The following DOT1L variants were observed in gnomAD, a reference collection of about 807,000 sequenced individuals.
The protein encoded by DOT1L is DOT1 like histone lysine methyltransferase, also known as histone-lysine N-methyltransferase, H3 lysine-79 specific.
Under a neutral mutation model 153.3 loss-of-function variants are expected in DOT1L, and 33 were observed. The observed-to-expected ratio is 0.22, with a 90% CI of 0.16 to 0.29. DOT1L has a LOEUF of 0.29. DOT1L is among the 10% of genes least tolerant of loss of function. The pLI is 1.00. For missense variants in DOT1L, 1,847 were observed against 2,119.9 expected, an observed-to-expected ratio of 0.87 and a Z score of 2.53; for synonymous variants, 1,135 against 965.1, an observed-to-expected ratio of 1.18 and a Z score of -3.26.
intron 2 of DOT1L, among the ~76,000 whole-genome samples, chr19:2,183,535 G>T (rs2022343753): frequency 1.3e-5 from 2 of 152,156 alleles, no homozygotes; most frequent in Admixed American, 6.5e-5. Context: ...AGAAAAGCTA[G>T]CTGGGCTTTT....
Position 2,226,744 on chromosome 19 carries a change from G to GCAAGGCCGC in DOT1L, c.4231_4239dup (p.Ala1411_Ala1413dup). ...ACGGACAAGACCCCACTGCTGAGCG[G>GCAAGGCCGC]CAAGGCCGCCAAGGCCCGGGACCGC... On this transcript the variant is annotated inframe_insertion, in exon 27 of 28. Transcript: ENST00000398665. The GCAAGGCCGC allele has an allele frequency of 1.3e-6, 2 of 1,556,820 alleles. No individual in the cohort carries two copies. Among genetic ancestry groups the GCAAGGCCGC allele is most frequent in the Non-Finnish European group, 8.6e-7 (1 of 1,157,922 alleles).
At chr19:2,167,274 G>A (rs771342762) in intron 1 of DOT1L, among the ~76,000 whole-genome samples, 1 of 152,214 alleles carries the variant, frequency 6.6e-6, no homozygotes, top group Non-Finnish European at 1.5e-5. Context: ...GTTGCCACTT[G>A]TCAGTGCTAA....
intron 12 of DOT1L, 150 bp from the exon 13 acceptor site, chr19:2,210,250 C>A: frequency 1.4e-6 from 1 of 739,934 alleles, no homozygotes; most frequent in Non-Finnish European, 2.0e-6. Context: ...TGTCTCTGGG[C>A]CTCAGTTTCC....
intron 2 of DOT1L, among the ~76,000 whole-genome samples, chr19:2,181,829 G>T (rs534938126): frequency 5.5e-4 from 81 of 148,240 alleles, no homozygotes; most frequent in Admixed American, 1.2e-3. Flanking sequence ...GCGGCCAGCC[G>T]CCTCTCTCTG....
intron 3 of DOT1L, among the ~76,000 whole-genome samples, chr19:2,186,732 C>T (rs1008990196): frequency 6.6e-6 from 1 of 152,246 alleles, no homozygotes; most frequent in African/African-American, 2.4e-5. Context: ...TGGTCAGCAC[C>T]CTGGTGCCCC....
intron 27 of DOT1L, chr19:2,227,764 C>T: frequency 7.6e-7 from 1 of 1,320,338 alleles, no homozygotes; most frequent in Non-Finnish European, 1.0e-6. Context: ...GTGCCCTCCG[C>T]CTCTGCTCAT....
At chr19:2,180,518 C>A (rs1599545022) in intron 1 of DOT1L, among the ~76,000 whole-genome samples, 195 bp from the exon 2 acceptor site, 1 of 152,266 alleles carries the variant, frequency 6.6e-6, no homozygotes, top group African/African-American at 2.4e-5. Flanking sequence ...AGGTCCCCGG[C>A]AAGGTCTGTG....
rs1344884731 is a variant in DOT1L, at chr19:2,230,562, G to A, written c.*770G>A. ...TGTATTTCTCGGCTGTCCATGGCTC[G>A]CAGCATGCCCTGCGATGCGGGGCAG... is the stretch of plus-strand genomic sequence containing the variant. On this transcript the variant is annotated 3_prime_UTR_variant, in exon 28 of 28. Coordinates refer to ENST00000398665, the MANE Select transcript of DOT1L (RefSeq NM_032482.3). The A allele has an allele frequency of 1.8e-5, 7 of 398,592 alleles. No homozygotes were observed. Among genetic ancestry groups the A allele is most frequent in the Admixed American group, 4.4e-5 (1 of 22,724 alleles). 24.7% of individuals were successfully genotyped at this position (398,592 alleles called of 1,614,324 possible).
Position 2,217,160 on chromosome 19 carries a change from C to T in DOT1L, c.2544+70C>T. 1 of 1,486,846 alleles carries T rather than the reference C, an allele frequency of 6.7e-7. No homozygotes were observed. Among genetic ancestry groups the T allele is most frequent in the Non-Finnish European group, 8.9e-7 (1 of 1,121,196 alleles). The allele number at this position is 1,486,846 out of a possible 1,614,324, so 92.1% of individuals were successfully genotyped here. On this transcript the variant is annotated intron_variant, in intron 21 of 27. Coordinates refer to ENST00000398665, the MANE Select transcript of DOT1L (RefSeq NM_032482.3). This position sits in a 1 kb window ranked among gnomAD's most constrained non-coding sequence, Gnocchi z 7.3. The stretch of plus-strand genomic sequence containing the variant: ...AGAGGCGGCCTGAGCGAGTTGCTAG[C>T]AGGAGGGCTTGTCCTAGTTGACCTT...
intron 15 of DOT1L, 112 bp downstream of exon 15, chr19:2,211,324 C>G: frequency 1.0e-6 from 1 of 965,110 alleles, no homozygotes; most frequent in Admixed American, 2.7e-5. Flanking sequence ...CATGCTGGAC[C>G]CCACTGAAGT....
Position 2,164,024 on chromosome 19 carries a change from C to A in DOT1L, c.-161C>A. 1 of 298,572 alleles carries A rather than the reference C, an allele frequency of 3.3e-6. No homozygotes were observed. Among genetic ancestry groups the A allele is most frequent in the Non-Finnish European group, 5.3e-6 (1 of 189,302 alleles). 18.5% of individuals were successfully genotyped at this position (298,572 alleles called of 1,614,324 possible). Reference sequence around the variant, plus strand: ...AGAGGGAGTCGGGGGCCGGGCCGGACCGGAGCGCGGCGGCGGCGGCGGCGG... The same window carrying A: ...AGAGGGAGTCGGGGGCCGGGCCGGAACGGAGCGCGGCGGCGGCGGCGGCGG... On this transcript the variant is annotated 5_prime_UTR_variant, in exon 1 of 28. Coordinates refer to ENST00000398665, the MANE Select transcript of DOT1L (RefSeq NM_032482.3).
At position 2,230,373 on chromosome 19, in the gene DOT1L, C is replaced by T. The variant is rs1404908972; in HGVS notation, c.*581C>T. ...AGCGCCCTGGCGCCTGCCCTGAGCT[C>T]TTCACCTTTACCCCGGCACTGTGAA... On this transcript the variant is annotated 3_prime_UTR_variant, in exon 28 of 28. Coordinates refer to ENST00000398665, the MANE Select transcript of DOT1L (RefSeq NM_032482.3). The T allele has an allele frequency of 9.8e-6, 4 of 408,720 alleles. No homozygotes were observed. The highest frequency in any genetic ancestry group is 2.2e-4 in the South Asian group (2 of 8,936). 25.3% of individuals were successfully genotyped at this position (408,720 alleles called of 1,614,324 possible).
rs1490885878 is a variant in DOT1L, at chr19:2,227,912, G to A, written c.4606+785G>A. ...CGGTTGAGACCCGGCCGCCCCCTCCGCCTCCGCCTCCGCCTCCCCCGCTGC... is the reference window on the plus strand; with the variant it reads ...CGGTTGAGACCCGGCCGCCCCCTCCACCTCCGCCTCCGCCTCCCCCGCTGC... On this transcript the variant is annotated intron_variant, in intron 27 of 27. Coordinates refer to ENST00000398665, the MANE Select transcript of DOT1L (RefSeq NM_032482.3). 4.6e-6 allele frequency: 5 copies of A among 1,091,462 alleles called. No individual in the cohort carries two copies. The African/African-American group carries it at 6.6e-5, about 14-fold the overall frequency. The allele number at this position is 1,091,462 out of a possible 1,614,324, so 67.6% of individuals were successfully genotyped here. A position where few individuals can be genotyped will look rare whatever the true frequency, so the allele number is the denominator to read the frequency against.
rs767006620 is a variant in DOT1L at position 2,193,832 on chromosome 19, A to G, written c.588+49A>G. ...TGTGTTGGAGGCAGGGGACCATCAG[A>G]GAAAGTGACGCCCTGGGTGCCTGCA... is the stretch of plus-strand genomic sequence containing the variant. On this transcript the variant is annotated intron_variant, in intron 6 of 27. Transcript: ENST00000398665. The surrounding 1 kb of genome is among the most constrained non-coding windows in gnomAD (Gnocchi z 5.9). 1 of 1,584,838 alleles carries G rather than the reference A, an allele frequency of 6.3e-7. No individual in the cohort carries two copies. The highest frequency in any genetic ancestry group is 8.6e-7 in the Non-Finnish European group (1 of 1,160,088).
At chr19:2,211,898 G>C in intron 16 of DOT1L, 56 bp downstream of exon 16, 3 of 1,488,712 alleles carry the variant, frequency 2.0e-6, no homozygotes, top group Non-Finnish European at 1.8e-6. Context: ...GTTCGTTCCT[G>C]TTCCTGGGCA....
chr19:2,214,411 T>A (rs968873833), intron 18 of DOT1L, 60 bp from the exon 19 acceptor site: 5 of 1,588,870 alleles, frequency 3.1e-6, no homozygotes, highest in African/African-American at 2.7e-5. Flanking sequence ...GCCCTGAGAG[T>A]GTGGGGTGTG....
intron 1 of DOT1L, among the ~76,000 whole-genome samples, chr19:2,173,299 T>C (rs1599532529): frequency 1.3e-5 from 2 of 152,188 alleles, no homozygotes; most frequent in Admixed American, 6.5e-5. Flanking sequence ...TGTCAGCCTG[T>C]GCTCAGACGA....
chr19:2,225,362 C>G (rs2024283490), intron 25 of DOT1L, 26 bp from the exon 26 acceptor site: 2 of 1,606,942 alleles, frequency 1.2e-6, no homozygotes, highest in African/African-American at 1.3e-5. Flanking sequence ...GGGTTTCAAG[C>G]ATTAATGACC....
intron 15 of DOT1L, 113 bp downstream of exon 15, chr19:2,211,325 C>T: frequency 3.1e-6 from 3 of 956,308 alleles, no homozygotes; most frequent in South Asian, 1.6e-5. Flanking sequence ...ATGCTGGACC[C>T]CACTGAAGTT....
Sources: allele counts gnomAD v4.1 joint callset (sites outside exome capture counted in the v4.1 genomes callset), GRCh38; gene constraint gnomAD v4.1.1; non-coding constraint Gnocchi (gnomAD v3.1); transcripts MANE v1.5; gene names NCBI Gene and HGNC (gene_info 2026-07-23, HGNC 2026-07-21).